Variants in DPH6 observed in about 807,000 individuals in gnomAD.
The protein encoded by DPH6 is diphthamine biosynthesis 6.
A neutral mutation model predicts 38.2 loss-of-function variants in DPH6; 33 were observed. The observed-to-expected ratio is 0.86, with a 90% CI of 0.65 to 1.15. The LOEUF (loss-of-function observed/expected upper bound fraction) is 1.15. Among genes scored for constraint, DPH6 ranks in the 50% most tolerant of loss-of-function variants. DPH6 has a pLI of 0.00. For missense variants in DPH6, 325 were observed against 320.0 expected, an observed-to-expected ratio of 1.02 and a Z score of -0.12; for synonymous variants, 108 against 103.0, an observed-to-expected ratio of 1.05 and a Z score of -0.30.
At chr15:35,281,663 C>A (rs1168139628) in intron 3 of DPH6, among the ~76,000 whole-genome samples, 2 of 152,166 alleles carry the variant, frequency 1.3e-5, no homozygotes, top group Non-Finnish European at 2.9e-5. Flanking sequence ...TTCATGAATT[C>A]CCAGGCTGGG....
intron 5 of DPH6, among the ~76,000 whole-genome samples, chr15:35,441,783 C>A (rs1289152275): frequency 7.5e-6 from 1 of 133,438 alleles, no homozygotes; most frequent in Non-Finnish European, 1.6e-5. Flanking sequence ...ATGTTCTGCA[C>A]GTGTATCCCA....
At chr15:35,154,588 T>C in the DPH6 span, among the ~76,000 whole-genome samples, 1 of 152,186 alleles carries the variant, frequency 6.6e-6, no homozygotes, top group Non-Finnish European at 1.5e-5. Flanking sequence ...ATTTGTTGCA[T>C]ATGAAATAAA....
chr15:35,259,378 A>T (rs1368900187), intron 3 of DPH6, among the ~76,000 whole-genome samples: 4 of 152,184 alleles, frequency 2.6e-5, no homozygotes, highest in African/African-American at 9.7e-5. Flanking sequence ...CATGTACACT[A>T]TACTTCCTCC....
At chr15:35,409,010 G>A (rs1184219097) in intron 6 of DPH6, among the ~76,000 whole-genome samples, 2 of 151,918 alleles carry the variant, frequency 1.3e-5, no homozygotes, top group African/African-American at 4.8e-5. Flanking sequence ...AGGAGACAAA[G>A]AGAGCGAGAA....
At chr15:35,427,013 A>G (rs1408168128) in intron 5 of DPH6, among the ~76,000 whole-genome samples, 7 of 128,616 alleles carry the variant, frequency 5.4e-5, no homozygotes, top group Admixed American at 1.5e-4. Flanking sequence ...TCTAAAAAAA[A>G]AAAAAGATAA....
intron 3 of DPH6, among the ~76,000 whole-genome samples, chr15:35,325,522 G>A (rs2052275446): frequency 6.6e-6 from 1 of 152,108 alleles, no homozygotes; most frequent in Admixed American, 6.6e-5. Flanking sequence ...GTATGTACAT[G>A]CGGAAAACAT....
At chr15:35,441,961 G>A (rs933520832) in intron 5 of DPH6, among the ~76,000 whole-genome samples, 5 of 151,998 alleles carry the variant, frequency 3.3e-5, no homozygotes, top group African/African-American at 1.2e-4. Context: ...TAAATCTCGT[G>A]ACATCAAGTT....
At chr15:35,197,059 TA>T in the DPH6 span, among the ~76,000 whole-genome samples, 1 of 152,224 alleles carries the variant, frequency 6.6e-6, no homozygotes, top group South Asian at 2.1e-4. Context: ...GACCCAATCA[TA>T]ATAATTCTTT....
At chr15:35,372,993 A>G (rs1398129882) in intron 8 of DPH6, among the ~76,000 whole-genome samples, 1 of 152,002 alleles carries the variant, frequency 6.6e-6, no homozygotes, top group Non-Finnish European at 1.5e-5. Flanking sequence ...ATTCCACAAG[A>G]TATCTTTAAA....
chr15:35,312,766 T>C (rs1484851573), intron 3 of DPH6, among the ~76,000 whole-genome samples: 2 of 152,248 alleles, frequency 1.3e-5, no homozygotes, highest in African/African-American at 2.4e-5. Context: ...GCATCATTCA[T>C]TGGAGAGACT....
At chr15:35,327,822 T>C (rs2052297326), downstream of DPH6, among the ~76,000 whole-genome samples, 2 of 152,090 alleles carry the variant, frequency 1.3e-5, no homozygotes, top group South Asian at 4.1e-4. Context: ...ATAAATAGAG[T>C]ATTTTGAGTA....
At chr15:35,364,735 C>G (rs568038455) in intron 3 of DPH6, among the ~76,000 whole-genome samples, 1 of 151,890 alleles carries the variant, frequency 6.6e-6, no homozygotes, top group East Asian at 1.9e-4. Context: ...AGCAGTTTTA[C>G]CATCATGTGC....
chr15:35,466,673 C>A (rs578118394), intron 3 of DPH6, among the ~76,000 whole-genome samples: 2 of 152,240 alleles, frequency 1.3e-5, no homozygotes, highest in East Asian at 1.9e-4. Context: ...ATCGTATGAA[C>A]ATCATAGAGT....
intron 3 of DPH6, among the ~76,000 whole-genome samples, chr15:35,530,355 C>T (rs1189369653): frequency 1.3e-5 from 2 of 151,918 alleles, no homozygotes; most frequent in African/African-American, 4.8e-5. Context: ...CAACAGGATA[C>T]AGACACTAGA....
the DPH6 span, among the ~76,000 whole-genome samples, chr15:35,181,271 T>C: frequency 6.6e-6 from 1 of 152,028 alleles, no homozygotes. Flanking sequence ...TTTACATTTG[T>C]GTTAGTGCCA....
At chr15:35,317,876 T>A (rs2052206923) in intron 3 of DPH6, among the ~76,000 whole-genome samples, 1 of 152,088 alleles carries the variant, frequency 6.6e-6, no homozygotes, top group Non-Finnish European at 1.5e-5. Context: ...CCAGGCAATA[T>A]ATTGTATTCC....
chr15:35,252,974 G>A (rs1178959289), intron 3 of DPH6, among the ~76,000 whole-genome samples: 1 of 152,218 alleles, frequency 6.6e-6, no homozygotes, highest in Non-Finnish European at 1.5e-5. Context: ...ACAGCAAGCA[G>A]GATGTGAACA....
chr15:35,249,050 T>C (rs1250181880), intron 3 of DPH6, among the ~76,000 whole-genome samples: 2 of 152,210 alleles, frequency 1.3e-5, no homozygotes, highest in African/African-American at 4.8e-5. Context: ...CAGAATTATA[T>C]TACAGATTTC....
chr15:35,298,024 A>C (rs749863812), intron 3 of DPH6, among the ~76,000 whole-genome samples: 1 of 151,992 alleles, frequency 6.6e-6, no homozygotes, highest in African/African-American at 2.4e-5. Flanking sequence ...CATCTCTCCA[A>C]TCTTATCTCT....
Sources: allele counts gnomAD v4.1 joint callset (sites outside exome capture counted in the v4.1 genomes callset), GRCh38; gene constraint gnomAD v4.1.1; transcripts MANE v1.5; gene names NCBI Gene and HGNC (gene_info 2026-07-23, HGNC 2026-07-21).